Variants in TSC22D1 observed in about 807,000 individuals in gnomAD.
The protein encoded by TSC22D1 is TSC22 domain family member 1, also known as TSC22 domain family protein 1.
A neutral mutation model predicts 74.2 loss-of-function variants in TSC22D1; 9 were observed. The ratio of observed to expected loss-of-function variants is 0.12; its 90% CI spans 0.07 to 0.21. The LOEUF (loss-of-function observed/expected upper bound fraction) is 0.21, where lower values mean the gene tolerates loss of function less well. Among genes scored for constraint, TSC22D1 ranks in the 10% least tolerant of loss-of-function variants. The pLI is 1.00. For missense variants in TSC22D1, 1,427 were observed against 1,304.7 expected (o/e 1.09, Z -1.44); for synonymous variants, 586 against 492.5 (o/e 1.19, Z -2.51).
intron 1 of TSC22D1, among the ~76,000 whole-genome samples, chr13:44,510,583 CAT>C (rs1323859507): frequency 1.3e-5 from 2 of 151,858 alleles, no homozygotes; most frequent in African/African-American, 4.8e-5. Flanking sequence ...CTGGTACAGC[CAT>C]ATGTTTTGTT....
At chr13:44,566,980 C>T (rs1883415968) in intron 1 of TSC22D1, among the ~76,000 whole-genome samples, 2 of 152,022 alleles carry the variant, frequency 1.3e-5, no homozygotes, top group African/African-American at 4.8e-5. Context: ...GTTTAAGAAG[C>T]AACCAGTCCT....
chr13:44,532,199 T>G (rs1226748403), intron 1 of TSC22D1, among the ~76,000 whole-genome samples: 1 of 152,238 alleles, frequency 6.6e-6, no homozygotes, highest in Non-Finnish European at 1.5e-5. Flanking sequence ...TTATAAGCTG[T>G]GCAAAATACA....
intron 1 of TSC22D1, chr13:44,536,702 C>T (rs767722545): frequency 5.3e-5 from 52 of 974,356 alleles, no homozygotes; most frequent in Middle Eastern, 5.2e-4. Context: ...AAGACTTGGT[C>T]AAATTACTCT....
intron 1 of TSC22D1, among the ~76,000 whole-genome samples, chr13:44,524,570 G>C (rs532415494): frequency 3.9e-5 from 6 of 152,224 alleles, no homozygotes; most frequent in African/African-American, 1.4e-4. Context: ...GTTTGAGATG[G>C]AGTTTCACTC....
At chr13:44,542,136 A>C (rs900732171) in intron 1 of TSC22D1, among the ~76,000 whole-genome samples, 1 of 152,076 alleles carries the variant, frequency 6.6e-6, no homozygotes, top group Non-Finnish European at 1.5e-5. Context: ...AATTTCCTTT[A>C]GTTTCCTTTC....
At chr13:44,564,956 G>A (rs1315140481) in intron 1 of TSC22D1, among the ~76,000 whole-genome samples, 2 of 152,130 alleles carry the variant, frequency 1.3e-5, no homozygotes, top group East Asian at 1.9e-4. Flanking sequence ...CTAAAGTGAA[G>A]AACTGCATTA....
chr13:44,575,288 A>C lies in TSC22D1; in HGVS notation c.787T>G (p.Ser263Ala). The change falls in exon 1 of 3, where the codon TCT becomes GCT. Residue 263 changes from serine (S) to alanine (A), a missense_variant. Ser to Ala is a moderately conservative substitution (Grantham distance 99). Around this residue, in one of 3 missense-constraint regions of TSC22D1, gnomAD observed 1,343 missense variants for 1,191.5 expected, o/e 1.13. Transcript: ENST00000458659. ...ATACTGTCAGAGCTTCCAGTTGTAG[A>C]GAGTTTTCTAGATACTGGGCTTGAG... ...PPSSPVSRKL[S>A]TTGSSDSITP... 1 of 1,614,156 alleles carries C rather than the reference A, an allele frequency of 6.2e-7. No individual in the cohort carries two copies. The highest frequency in any genetic ancestry group is 1.1e-5 in the South Asian group (1 of 91,084).
At chr13:44,478,382 A>G (rs1244788364) in intron 1 of TSC22D1, among the ~76,000 whole-genome samples, 1 of 152,186 alleles carries the variant, frequency 6.6e-6, no homozygotes, top group Non-Finnish European at 1.5e-5. Context: ...TTGTTTTACC[A>G]TTTTATAGGC....
chr13:44,550,328 A>G (rs923572967), intron 1 of TSC22D1, among the ~76,000 whole-genome samples: 18 of 152,168 alleles, frequency 1.2e-4, no homozygotes. Context: ...CATGTCTGTA[A>G]TCCCAGCACT....
chr13:44,507,960 T>G (rs1033822988), intron 1 of TSC22D1, among the ~76,000 whole-genome samples: 1 of 152,198 alleles, frequency 6.6e-6, no homozygotes, highest in Non-Finnish European at 1.5e-5. Flanking sequence ...AAATTCTAAC[T>G]TGCGACAGCA....
intron 1 of TSC22D1, among the ~76,000 whole-genome samples, chr13:44,504,146 A>C (rs1879334529): frequency 6.6e-6 from 1 of 151,866 alleles, no homozygotes; most frequent in Non-Finnish European, 1.5e-5. Context: ...TGAAAAAAAA[A>C]AAAAAAACTA....
intron 1 of TSC22D1, among the ~76,000 whole-genome samples, chr13:44,559,227 G>A (rs1443890078): frequency 2.0e-5 from 3 of 152,136 alleles, no homozygotes. Context: ...TCAGATATCT[G>A]AGCACCTAAG....
Position 44,436,109 on chromosome 13 carries a change from G to A in TSC22D1, c.2913-14C>T, listed in dbSNP as rs1355796769. 2 of 1,606,946 alleles carry A rather than the reference G, an allele frequency of 1.2e-6. No homozygotes were observed. The highest frequency in any genetic ancestry group is 2.2e-5 in the East Asian group (1 of 44,782). On this transcript the variant is annotated splice_polypyrimidine_tract_variant and intron_variant, in intron 1 of 2. Transcript: ENST00000458659. Reference sequence around the variant, plus strand: ...GCACCAGAGGAGCTGAAAAAGAGGAGGGAAAAAGGTCATCGATAAATGGAA... The same window carrying A: ...GCACCAGAGGAGCTGAAAAAGAGGAAGGAAAAAGGTCATCGATAAATGGAA...
chr13:44,529,292 TCTA>T (rs1389666665), intron 1 of TSC22D1, among the ~76,000 whole-genome samples: 1 of 151,922 alleles, frequency 6.6e-6, no homozygotes, highest in Non-Finnish European at 1.5e-5. Context: ...ATCTATAAAA[TCTA>T]CTACATCAAT....
chr13:44,544,716 C>A lies in TSC22D1; in HGVS notation c.2912+28447G>T, dbSNP rs190948663. Among the ~76,000 whole-genome samples, 364 of 152,118 alleles carry A rather than the reference C, an allele frequency of 2.4e-3. 5 individuals carry two copies. Among genetic ancestry groups the A allele is most frequent in the Non-Finnish European group, 3.2e-3 (218 of 67,986 alleles). On this transcript the variant is annotated intron_variant, in intron 1 of 2. Transcript: ENST00000458659. ...TAGAGCTCAACATCTAGCCAAATTC[C>A]ATTATCTGTATATTTTCTCTTCAAC...
At chr13:44,541,106 C>G (rs775103461) in intron 1 of TSC22D1, among the ~76,000 whole-genome samples, 8 of 152,134 alleles carry the variant, frequency 5.3e-5, no homozygotes, top group Non-Finnish European at 1.0e-4. Context: ...GTTAGTGGAA[C>G]GAGGATTGTG....
Position 44,434,705 on chromosome 13 carries a change from G to T in TSC22D1, c.3143C>A (p.Pro1048His). 2 of 1,611,920 alleles carry T rather than the reference G, an allele frequency of 1.2e-6. No homozygotes were observed. The highest frequency in any genetic ancestry group is 2.2e-5 in the South Asian group (2 of 90,834). The part of the protein sequence containing the change: ...QFQAQLQTGS[P>H]PATTQPQGTT... ...GCCCTGTGGCTGGGTGGTGGCAGGGGGGGAGCCAGTCTGCAGCTGGGCCTG... is the reference window on the plus strand; with the variant it reads ...GCCCTGTGGCTGGGTGGTGGCAGGGTGGGAGCCAGTCTGCAGCTGGGCCTG... Residue 1048 changes from proline to histidine, a missense_variant, in exon 3 of 3, where the codon CCC (proline) becomes CAC (histidine). This residue lies in a region of TSC22D1 where 63 missense variants were observed against 50.5 expected (regional missense o/e 1.25). Transcript: ENST00000458659.
intron 1 of TSC22D1, among the ~76,000 whole-genome samples, chr13:44,560,888 T>C (rs937822339): frequency 6.6e-6 from 1 of 152,224 alleles, no homozygotes; most frequent in Non-Finnish European, 1.5e-5. Flanking sequence ...CCTACCTTCA[T>C]GTCAGGCTAT....
intron 1 of TSC22D1, among the ~76,000 whole-genome samples, chr13:44,556,294 C>T (rs1882635102): frequency 6.6e-6 from 1 of 151,522 alleles, no homozygotes; most frequent in South Asian, 2.1e-4. Context: ...CACCTGTAAT[C>T]CTTGTACTTT....
Sources: allele counts gnomAD v4.1 joint callset (sites outside exome capture counted in the v4.1 genomes callset), GRCh38; gene constraint gnomAD v4.1.1; regional missense constraint gnomAD v4.1.1; transcripts MANE v1.5; gene names NCBI Gene and HGNC (gene_info 2026-07-23, HGNC 2026-07-21).